The following KIF5C variants were observed in gnomAD, a reference collection of about 807,000 sequenced individuals.
KIF5C encodes kinesin heavy chain isoform 5C.
KIF5C carries 18 observed loss-of-function variants against 125.2 expected under a neutral mutation model. That is an observed-to-expected ratio of 0.14 (90% confidence interval 0.10 to 0.21). The LOEUF (loss-of-function observed/expected upper bound fraction) is 0.21. Among genes scored for constraint, KIF5C ranks in the 10% least tolerant of loss-of-function variants. The pLI, the probability that KIF5C is intolerant of heterozygous loss-of-function variation, is 1.00. For synonymous variants in KIF5C, 405 were observed against 434.0 expected, an observed-to-expected ratio of 0.93 and a Z score of 0.83; for missense variants, 780 against 1,183.8, an observed-to-expected ratio of 0.66 and a Z score of 5.01.
intron 1 of KIF5C, among the ~76,000 whole-genome samples, chr2:148,918,076 C>G (rs1574739570): frequency 6.6e-6 from 1 of 152,226 alleles, no homozygotes; most frequent in East Asian, 1.9e-4. Context: ...TCCCAGACAC[C>G]TTGCATTCAA....
At chr2:148,897,589 G>A (rs1035896613) in intron 1 of KIF5C, among the ~76,000 whole-genome samples, 1 of 151,964 alleles carries the variant, frequency 6.6e-6, no homozygotes, top group Non-Finnish European at 1.5e-5. Flanking sequence ...CCAGATTAGT[G>A]GCATGTTTGT....
intron 16 of KIF5C, among the ~76,000 whole-genome samples, chr2:148,991,996 G>T (rs1246501772): frequency 1.3e-5 from 2 of 152,304 alleles, no homozygotes; most frequent in Non-Finnish European, 2.9e-5. Flanking sequence ...GGGTCTAGTT[G>T]TATACTACTT....
At position 149,008,179 on chromosome 2, in the gene KIF5C, C is replaced by G. The variant is rs1682069299; in HGVS notation, c.2550+112C>G. On this transcript the variant is annotated intron_variant, in intron 23 of 25. Coordinates refer to ENST00000435030, the MANE Select transcript of KIF5C (RefSeq NM_004522.3). ...GGCACTGAGATTGAAGGTAAAAGAA[C>G]TGTACACTATCAGAGGACATGAGGG... is the stretch of plus-strand genomic sequence containing the variant. 4 of 1,325,118 alleles carry G rather than the reference C, an allele frequency of 3.0e-6. No homozygotes were observed. In the East Asian group the frequency reaches 1.0e-4, roughly 34 times the overall value. The allele number at this position is 1,325,118 out of a possible 1,614,324, so 82.1% of individuals were successfully genotyped here.
chr2:148,987,190 G>A lies in KIF5C; in HGVS notation c.1716+3424G>A, dbSNP rs145180388. On this transcript the variant is annotated intron_variant, in intron 15 of 25. Coordinates refer to ENST00000435030, the MANE Select transcript of KIF5C (RefSeq NM_004522.3). The stretch of plus-strand genomic sequence containing the variant: ...AATAAACTTATTCAACAGGTTACAG[G>A]AGGAGCTATGAAGATTCATGAAGGA... Among the ~76,000 whole-genome samples the A allele has an allele frequency of 1.0e-3, 155 of 152,328 alleles. 2 individuals carry two copies. The highest frequency in any genetic ancestry group is 3.3e-3 in the African/African-American group (138 of 41,566).
At chr2:148,947,928 C>T (rs1263706987) in intron 8 of KIF5C, 2 of 456,594 alleles carry the variant, frequency 4.4e-6, no homozygotes, top group East Asian at 1.4e-4. Context: ...TCACTGAGTT[C>T]CCGTATGCCA....
At chr2:148,900,217 G>T (rs1335607966) in intron 1 of KIF5C, among the ~76,000 whole-genome samples, 1 of 152,082 alleles carries the variant, frequency 6.6e-6, no homozygotes, top group Non-Finnish European at 1.5e-5. Context: ...CTCAGACCTT[G>T]GAGCAGATGG....
chr2:148,931,662 C>G (rs1367820528), intron 3 of KIF5C, among the ~76,000 whole-genome samples: 1 of 151,420 alleles, frequency 6.6e-6, no homozygotes, highest in Non-Finnish European at 1.5e-5. Context: ...GACTCCGTCT[C>G]AAAAAAAATA....
chr2:149,005,547 C>T lies in KIF5C; in HGVS notation c.2445+83C>T, dbSNP rs572522604. 1,069 of 1,559,260 alleles carry T rather than the reference C, an allele frequency of 6.9e-4. 13 individuals carry two copies. The South Asian group carries it at 8.1e-3, about 12-fold the overall frequency. ...TCATTTTCAGTTGAAATATCACTTG[C>T]TTAAGTCGGGGCTGGTTATGCTTAA... On this transcript the variant is annotated intron_variant, in intron 22 of 25. Coordinates refer to ENST00000435030, the MANE Select transcript of KIF5C (RefSeq NM_004522.3).
chr2:148,988,434 C>T (rs1681441342), intron 15 of KIF5C, among the ~76,000 whole-genome samples: 1 of 152,168 alleles, frequency 6.6e-6, no homozygotes, highest in South Asian at 2.1e-4. Context: ...TTTTACTCTT[C>T]CTCAATTTAC....
At chr2:148,883,326 C>G (rs1681420600) in intron 1 of KIF5C, among the ~76,000 whole-genome samples, 1 of 151,806 alleles carries the variant, frequency 6.6e-6, no homozygotes, top group South Asian at 2.1e-4. Context: ...ATGGTGAAAC[C>G]CTGTCTCTAC....
intron 17 of KIF5C, among the ~76,000 whole-genome samples, chr2:148,996,403 T>G (rs1017051997): frequency 6.6e-5 from 10 of 152,140 alleles, no homozygotes; most frequent in African/African-American, 2.4e-4. Flanking sequence ...ATGTTAGGAG[T>G]AGGTGCACCA....
chr2:148,881,437 A>G (rs1015332319), intron 1 of KIF5C, among the ~76,000 whole-genome samples: 2 of 151,536 alleles, frequency 1.3e-5, no homozygotes, highest in Non-Finnish European at 2.9e-5. Context: ...TCTTTTTTTA[A>G]TTAAATTTTT....
At chr2:148,971,832 G>GT (rs1680920594) in intron 11 of KIF5C, among the ~76,000 whole-genome samples, 1 of 152,182 alleles carries the variant, frequency 6.6e-6, no homozygotes. Flanking sequence ...TGTTTATATT[G>GT]AGATAAATGT....
intron 21 of KIF5C, among the ~76,000 whole-genome samples, chr2:149,004,356 A>C (rs372665419): frequency 6.6e-6 from 1 of 152,234 alleles, no homozygotes; most frequent in African/African-American, 2.4e-5. Context: ...CAAAGTTTGC[A>C]TGCAGAATTT....
chr2:148,941,318 A>T (rs1386463471), intron 4 of KIF5C, among the ~76,000 whole-genome samples: 1 of 152,196 alleles, frequency 6.6e-6, no homozygotes, highest in Non-Finnish European at 1.5e-5. Flanking sequence ...TCTAACTTAA[A>T]GCCTAGAGTC....
chr2:148,951,853 G>A (rs1682666792), intron 10 of KIF5C, among the ~76,000 whole-genome samples: 1 of 152,148 alleles, frequency 6.6e-6, no homozygotes, highest in Non-Finnish European at 1.5e-5. Context: ...ACAGATGGGG[G>A]TGGGCATTCT....
At chr2:148,932,023 T>C (rs1459932428) in intron 3 of KIF5C, among the ~76,000 whole-genome samples, 2 of 152,004 alleles carry the variant, frequency 1.3e-5, no homozygotes, top group Non-Finnish European at 2.9e-5. Context: ...TTCTGTAGGG[T>C]AATTATAGAT....
chr2:149,000,711 T>C lies in KIF5C; in HGVS notation c.2313-11T>C, dbSNP rs369657663. 1.2e-6 allele frequency: 2 copies of C among 1,613,630 alleles called. No individual in the cohort carries two copies. Among genetic ancestry groups the C allele is most frequent in the African/African-American group, 1.3e-5 (1 of 74,940 alleles). On this transcript the variant is annotated splice_polypyrimidine_tract_variant and intron_variant, in intron 20 of 25. Transcript: ENST00000435030. ...CCCTGTGGTGGTCTATGGTTCCTTTTTGTTTTTCAGATTGCTCAACGATAA... is the reference window on the plus strand; with the variant it reads ...CCCTGTGGTGGTCTATGGTTCCTTTCTGTTTTTCAGATTGCTCAACGATAA...
intron 1 of KIF5C, among the ~76,000 whole-genome samples, chr2:148,901,935 G>A (rs765804998): frequency 1.8e-4 from 28 of 152,326 alleles, no homozygotes; most frequent in Admixed American, 2.6e-4. Context: ...CAGAACACTG[G>A]AACAAATGTA....
Sources: allele counts gnomAD v4.1 joint callset (sites outside exome capture counted in the v4.1 genomes callset), GRCh38; gene constraint gnomAD v4.1.1; transcripts MANE v1.5; gene names NCBI Gene and HGNC (gene_info 2026-07-23, HGNC 2026-07-21).